Variants in DZIP1L observed in about 807,000 individuals in gnomAD.
The protein encoded by DZIP1L is cilium assembly protein DZIP1L.
In DZIP1L, 90 loss-of-function variants were observed where a neutral mutation model predicts 88.7. That is an observed-to-expected ratio of 1.02 (90% CI 0.86 to 1.21). The LOEUF (loss-of-function observed/expected upper bound fraction) is 1.21, where lower values mean the gene tolerates loss of function less well. Ranked by LOEUF, DZIP1L falls within the 50% of genes most tolerant of loss-of-function variation. DZIP1L has a pLI of 0.00. For synonymous variants in DZIP1L, 363 were observed against 372.1 expected (o/e 0.98, Z 0.28); for missense variants, 932 against 955.8 (o/e 0.98, Z 0.33).
chr3:138,103,114 TCACA>T lies in DZIP1L; in HGVS notation c.501+353_501+356del, dbSNP rs59775144. 4.6e-5 allele frequency among the ~76,000 whole-genome samples: 7 copies of T among 151,070 alleles called. No homozygotes were observed. In the East Asian group the frequency reaches 5.8e-4, roughly 13 times the overall value. On this transcript the variant is annotated intron_variant, in intron 2 of 15. Transcript: ENST00000327532. ...ACACACAGAGGTACCCTTCAAGTAT[TCACA>T]CACACACACACACATTAAACACACA...
At position 138,063,037 on chromosome 3, in the gene DZIP1L, G is replaced by C. The variant is rs1942759854; in HGVS notation, c.2143-60C>G. ...TGATAAGGGAGGAGGGTGGCTGAGA[G>C]CTAAGCACATTGCAGGATGGGAATG... On this transcript the variant is annotated intron_variant, in intron 15 of 15. Coordinates refer to ENST00000327532, the MANE Select transcript of DZIP1L (RefSeq NM_173543.3). This position sits in a 1 kb window ranked among gnomAD's most constrained non-coding sequence, Gnocchi z 4.1. 6.3e-7 allele frequency: 1 copy of C among 1,577,976 alleles called. No homozygotes were observed. The highest frequency in any genetic ancestry group is 1.3e-5 in the African/African-American group (1 of 74,418).
intron 2 of DZIP1L, chr3:138,101,872 G>A (rs1484030177): frequency 2.9e-6 from 4 of 1,399,740 alleles, no homozygotes; most frequent in Admixed American, 1.7e-5. Flanking sequence ...CTCCAGCTCG[G>A]ACAGCTTGGC....
chr3:138,079,715 C>T lies in DZIP1L; in HGVS notation c.1288+852G>A, dbSNP rs1225900972. 2.6e-5 allele frequency among the ~76,000 whole-genome samples: 4 copies of T among 152,286 alleles called. No individual in the cohort carries two copies. In the East Asian group the frequency reaches 7.7e-4, roughly 29 times the overall value. On this transcript the variant is annotated intron_variant, in intron 10 of 15. Transcript: ENST00000327532. ...TCACTGCATACCCTTTTATACCATT[C>T]CTTTTTTTTTCCAAAGTGCATAGAT... is the stretch of plus-strand genomic sequence containing the variant.
intron 10 of DZIP1L, among the ~76,000 whole-genome samples, chr3:138,079,651 G>T (rs1576454531): frequency 6.6e-6 from 1 of 152,192 alleles, no homozygotes; most frequent in Non-Finnish European, 1.5e-5. Flanking sequence ...AACTTCTGGA[G>T]AGGAAACTGG....
intron 1 of DZIP1L, among the ~76,000 whole-genome samples, chr3:138,112,047 G>A (rs2042628856): frequency 6.6e-6 from 1 of 151,592 alleles, no homozygotes; most frequent in African/African-American, 2.4e-5. Flanking sequence ...ACTTGAAGAT[G>A]ATTATGATGA....
intron 2 of DZIP1L, chr3:138,101,831 C>T (rs2042324687): frequency 7.9e-7 from 1 of 1,264,836 alleles, no homozygotes; most frequent in African/African-American, 1.5e-5. Flanking sequence ...AGCTGCCGCT[C>T]CATGTCCTGC....
intron 4 of DZIP1L, 67 bp downstream of exon 4, chr3:138,094,795 T>C (rs1233720487): frequency 1.8e-5 from 28 of 1,595,130 alleles, no homozygotes; most frequent in Non-Finnish European, 2.3e-5. Context: ...GTGGGATTCA[T>C]GTGCATCAAG....
chr3:138,102,134 A>C, intron 2 of DZIP1L: 1 of 1,397,650 alleles, frequency 7.2e-7, no homozygotes, highest in Non-Finnish European at 1.0e-6. Context: ...CCTTGACCTC[A>C]GCGATGATGC....
At chr3:138,089,090 G>A in intron 5 of DZIP1L, 6 of 985,370 alleles carry the variant, frequency 6.1e-6, no homozygotes, top group Non-Finnish European at 7.2e-6. Flanking sequence ...ATATATGACT[G>A]TCGTAGTAAC....
chr3:138,103,087 A>C (rs1438501606), intron 2 of DZIP1L, among the ~76,000 whole-genome samples: 1 of 151,972 alleles, frequency 6.6e-6, no homozygotes, highest in Admixed American at 6.6e-5. Context: ...CACACCCTAC[A>C]TACACACAGA....
Position 138,065,553 on chromosome 3 carries a change from A to G in DZIP1L, c.2003-786T>C, listed in dbSNP as rs116377366. Among the ~76,000 whole-genome samples, 304 of 152,380 alleles carry G rather than the reference A, an allele frequency of 2.0e-3. 1 individual carries two copies. Among genetic ancestry groups the G allele is most frequent in the African/African-American group, 7.0e-3 (292 of 41,594 alleles). On this transcript the variant is annotated intron_variant, in intron 14 of 15. Transcript: ENST00000327532. ...GCCAAGACTTTCTCTGAAGATTCCT[A>G]ACACCCAGTCCCAAGACCTTGCCAC...
Position 138,081,831 on chromosome 3 carries a change from A to T in DZIP1L, c.1204-67T>A, listed in dbSNP as rs1943672540. On this transcript the variant is annotated intron_variant, in intron 8 of 15. Transcript: ENST00000327532. ...ACATTGTGAGAACTCTGCTTTGAGC[A>T]GTGTCTGCCTAGCACAGTGAGGAAG... 1.9e-6 allele frequency: 3 copies of T among 1,555,944 alleles called. No homozygotes were observed. In the Admixed American group the frequency reaches 5.2e-5, roughly 27 times the overall value.
At chr3:138,088,968 A>G in intron 5 of DZIP1L, 1 of 985,658 alleles carries the variant, frequency 1.0e-6, no homozygotes, top group Non-Finnish European at 1.2e-6. Flanking sequence ...AAGTAGAGTC[A>G]TCAATACCTA....
intron 13 of DZIP1L, 65 bp downstream of exon 13, chr3:138,068,086 C>T (rs896333303): frequency 9.5e-6 from 13 of 1,374,750 alleles, no homozygotes; most frequent in Admixed American, 5.9e-5. Context: ...GAGCCCAGAA[C>T]AGGACTGCCT....
chr3:138,067,810 C>A, intron 13 of DZIP1L, 110 bp from the exon 14 acceptor site: 2 of 1,267,772 alleles, frequency 1.6e-6, no homozygotes, highest in Non-Finnish European at 2.1e-6. Context: ...GCCAGCCCTG[C>A]TCCCTCCCTC....
At position 138,063,585 on chromosome 3, in the gene DZIP1L, C is replaced by T. The variant is rs898093644; in HGVS notation, c.2143-608G>A. On this transcript the variant is annotated intron_variant, in intron 15 of 15. Transcript: ENST00000327532. The surrounding 1 kb of genome is among the most constrained non-coding windows in gnomAD (Gnocchi z 4.1). ...GCTTTCCCCTCTGGAGTCCTCAGTG[C>T]CCCTGCTGGCCACCTGGGCTTTGAT... Among the ~76,000 whole-genome samples the T allele has an allele frequency of 6.6e-6, 1 of 152,222 alleles. No homozygotes were observed. The highest frequency in any genetic ancestry group is 2.4e-5 in the African/African-American group (1 of 41,460).
Position 138,066,105 on chromosome 3 carries a change from CT to C in DZIP1L, c.2003-1339del, listed in dbSNP as rs1427692131. On this transcript the variant is annotated intron_variant, in intron 14 of 15. Transcript: ENST00000327532. ...ACAGGCTGCATGGCCCAAAGGCAGCCTGCTATAAAGGTTGACTGTGGCTGCC... is the reference window on the plus strand; with the variant it reads ...ACAGGCTGCATGGCCCAAAGGCAGCCGCTATAAAGGTTGACTGTGGCTGCC... Among the ~76,000 whole-genome samples the C allele has an allele frequency of 3.3e-5, 5 of 152,330 alleles. No homozygotes were observed. In the South Asian group the frequency reaches 6.2e-4, roughly 19 times the overall value.
intron 1 of DZIP1L, among the ~76,000 whole-genome samples, chr3:138,104,515 G>A (rs72973043): frequency 0.026 from 3,891 of 152,334 alleles, 154 homozygotes; most frequent in African/African-American, 0.088. Flanking sequence ...GATAAAGTCC[G>A]ACAACTTGCT....
chr3:138,071,544 G>A, intron 12 of DZIP1L, 99 bp downstream of exon 12: 1 of 1,365,180 alleles, frequency 7.3e-7, no homozygotes, highest in African/African-American at 1.5e-5. Flanking sequence ...TGCCCCTAAT[G>A]GGGGACAGAG....
Sources: allele counts gnomAD v4.1 joint callset (sites outside exome capture counted in the v4.1 genomes callset), GRCh38; gene constraint gnomAD v4.1.1; non-coding constraint Gnocchi (gnomAD v3.1); transcripts MANE v1.5; gene names NCBI Gene and HGNC (gene_info 2026-07-23, HGNC 2026-07-21).